Variants in SH3PXD2A observed in about 807,000 individuals in gnomAD.
The protein encoded by SH3PXD2A is SH3 and PX domain-containing protein 2A.
Under a neutral mutation model 115.2 loss-of-function variants are expected in SH3PXD2A, and 32 were observed. The ratio of observed to expected loss-of-function variants is 0.28; its 90% CI spans 0.21 to 0.37. The LOEUF is 0.37. Among genes scored for constraint, SH3PXD2A ranks in the 10% least tolerant of loss-of-function variants. The pLI is 1.00. For synonymous variants in SH3PXD2A, 610 were observed against 629.1 expected (o/e 0.97, Z 0.45); for missense variants, 1,328 against 1,498.7 (o/e 0.89, Z 1.88).
At chr10:103,664,524 A>G (rs1242867404) in intron 7 of SH3PXD2A, among the ~76,000 whole-genome samples, 1 of 152,166 alleles carries the variant, frequency 6.6e-6, no homozygotes, top group Non-Finnish European at 1.5e-5. Context: ...ACCTGACACC[A>G]CTGCCTATGA....
intron 3 of SH3PXD2A, among the ~76,000 whole-genome samples, chr10:103,765,293 C>A (rs781025720): frequency 6.6e-6 from 1 of 152,126 alleles, no homozygotes; most frequent in African/African-American, 2.4e-5. Flanking sequence ...CAGCTCCAGG[C>A]CCCCCTCGTT....
At chr10:103,776,094 C>T (rs2038875177) in intron 2 of SH3PXD2A, among the ~76,000 whole-genome samples, 1 of 152,152 alleles carries the variant, frequency 6.6e-6, no homozygotes, top group African/African-American at 2.4e-5. Context: ...GTCTTCAAAT[C>T]ATAAGTGTAT....
chr10:103,817,640 C>T (rs925121257), intron 1 of SH3PXD2A, among the ~76,000 whole-genome samples: 1 of 152,124 alleles, frequency 6.6e-6, no homozygotes, highest in African/African-American at 2.4e-5. Context: ...CATGCCTTAC[C>T]TGTGTTCATA....
Position 103,706,016 on chromosome 10 carries a change from A to G in SH3PXD2A, c.399-12960T>C, listed in dbSNP as rs531193966. ...TCTGTCTCAAAAAGAAAAAAAAAAA[A>G]AAAGAAAGAAAGAAATACCCAAATG... On this transcript the variant is annotated intron_variant, in intron 5 of 14. Transcript: ENST00000369774. Among the ~76,000 whole-genome samples, 310 of 152,058 alleles carry G rather than the reference A, an allele frequency of 2.0e-3. 2 individuals carry two copies. Among genetic ancestry groups the G allele is most frequent in the African/African-American group, 6.4e-3 (265 of 41,504 alleles).
rs2036721301 is a variant in SH3PXD2A, at chr10:103,627,859, A to C, written c.605-657T>G. ...GCACCCAGGTCTTGGGACTCCACTA[A>C]CTGCCTTTGGTCCCTTCCGAGAAGG... On this transcript the variant is annotated intron_variant, in intron 8 of 14. Transcript: ENST00000369774. The surrounding 1 kb of genome is among the most constrained non-coding windows in gnomAD (Gnocchi z 4.4). Among the ~76,000 whole-genome samples, 2 of 152,118 alleles carry C rather than the reference A, an allele frequency of 1.3e-5. No individual in the cohort carries two copies. The highest frequency in any genetic ancestry group is 2.9e-5 in the Non-Finnish European group (2 of 68,008).
rs538111893 is a variant in SH3PXD2A at position 103,781,969 on chromosome 10, G to A, written c.154-14800C>T. Among the ~76,000 whole-genome samples, 4 of 152,244 alleles carry A rather than the reference G, an allele frequency of 2.6e-5. No individual in the cohort carries two copies. In the East Asian group the frequency reaches 7.7e-4, roughly 29 times the overall value. On this transcript the variant is annotated intron_variant, in intron 2 of 14. Transcript: ENST00000369774. Reference sequence around the variant, plus strand: ...GACCCTCAAGCTCAGAGGAACCAACGATGGGAACCCACCGCCTCTCTGAAG... The same window carrying A: ...GACCCTCAAGCTCAGAGGAACCAACAATGGGAACCCACCGCCTCTCTGAAG...
intron 5 of SH3PXD2A, among the ~76,000 whole-genome samples, chr10:103,713,730 C>A: frequency 6.6e-6 from 1 of 152,334 alleles, no homozygotes; most frequent in Non-Finnish European, 1.5e-5. Flanking sequence ...CCATTATCAG[C>A]AGCTGTTATA....
intron 4 of SH3PXD2A, among the ~76,000 whole-genome samples, chr10:103,728,885 G>T (rs202040343): frequency 0.012 from 1,169 of 99,110 alleles, 7 homozygotes; most frequent in Non-Finnish European, 0.013. Context: ...TGTTTTTTTT[G>T]TTTGTTTGTT....
At chr10:103,785,927 G>A (rs929208759) in intron 2 of SH3PXD2A, among the ~76,000 whole-genome samples, 4 of 151,740 alleles carry the variant, frequency 2.6e-5, no homozygotes, top group Non-Finnish European at 2.9e-5. Context: ...GAGCGTAGAC[G>A]GAGGCTCAGG....
chr10:103,666,731 T>C lies in SH3PXD2A; in HGVS notation c.472+1877A>G, dbSNP rs1353543253. 6.6e-6 allele frequency among the ~76,000 whole-genome samples: 1 copy of C among 152,218 alleles called. No homozygotes were observed. Among genetic ancestry groups the C allele is most frequent in the Non-Finnish European group, 1.5e-5 (1 of 68,048 alleles). ...CATGGGAATTGTTCTGAGCACGGAATGAAGTGACGGGGCTTCAAGTCCTAT... is the reference window on the plus strand; with the variant it reads ...CATGGGAATTGTTCTGAGCACGGAACGAAGTGACGGGGCTTCAAGTCCTAT... On this transcript the variant is annotated intron_variant, in intron 7 of 14. Transcript: ENST00000369774. This position sits in a 1 kb window ranked among gnomAD's most constrained non-coding sequence, Gnocchi z 4.5.
At chr10:103,790,656 T>C (rs2039026709) in intron 2 of SH3PXD2A, among the ~76,000 whole-genome samples, 1 of 152,212 alleles carries the variant, frequency 6.6e-6, no homozygotes, top group Admixed American at 6.5e-5. Flanking sequence ...CAAGGTGCCA[T>C]TGCCAACTGA....
chr10:103,690,745 A>G (rs1564864885), intron 6 of SH3PXD2A, among the ~76,000 whole-genome samples: 1 of 152,216 alleles, frequency 6.6e-6, no homozygotes, highest in East Asian at 1.9e-4. Flanking sequence ...CACATAATAA[A>G]CCATCACAAA....
At chr10:103,814,010 A>C (rs1229096169) in intron 1 of SH3PXD2A, among the ~76,000 whole-genome samples, 6 of 135,118 alleles carry the variant, frequency 4.4e-5, no homozygotes, top group Admixed American at 7.7e-5. Flanking sequence ...AAAAAAAAAA[A>C]AAAAACAACA....
intron 6 of SH3PXD2A, among the ~76,000 whole-genome samples, chr10:103,674,811 C>G (rs943228195): frequency 6.6e-6 from 1 of 151,502 alleles, no homozygotes; most frequent in Non-Finnish European, 1.5e-5. Flanking sequence ...CAGAGCAAGG[C>G]TCTGTCTCTT....
At chr10:103,611,893 T>C (rs1221649358) in intron 12 of SH3PXD2A, among the ~76,000 whole-genome samples, 1 of 152,220 alleles carries the variant, frequency 6.6e-6, no homozygotes, top group African/African-American at 2.4e-5. Flanking sequence ...AATGTGCAGC[T>C]ATGTGGGCAT....
intron 6 of SH3PXD2A, among the ~76,000 whole-genome samples, chr10:103,671,763 G>A (rs1406956886): frequency 6.6e-6 from 1 of 152,148 alleles, no homozygotes; most frequent in Non-Finnish European, 1.5e-5. Flanking sequence ...GGGTGAAGGA[G>A]CAGTGGGGGG....
intron 8 of SH3PXD2A, among the ~76,000 whole-genome samples, chr10:103,658,180 G>A (rs2037238794): frequency 6.6e-6 from 1 of 152,164 alleles, no homozygotes; most frequent in Admixed American, 6.5e-5. Flanking sequence ...GAGCACAGAG[G>A]GGCTCTGATG....
chr10:103,655,844 C>G (rs2037204399), intron 8 of SH3PXD2A, among the ~76,000 whole-genome samples: 1 of 149,290 alleles, frequency 6.7e-6, no homozygotes, highest in African/African-American at 2.5e-5. Context: ...TACAGTCTAC[C>G]AGAATGAGCA....
chr10:103,630,833 A>G (rs976131650), intron 8 of SH3PXD2A, among the ~76,000 whole-genome samples: 1 of 151,988 alleles, frequency 6.6e-6, no homozygotes. Flanking sequence ...TCCTGGTTCC[A>G]GATGTGCTAA....
Sources: allele counts gnomAD v4.1 joint callset (sites outside exome capture counted in the v4.1 genomes callset), GRCh38; gene constraint gnomAD v4.1.1; non-coding constraint Gnocchi (gnomAD v3.1); transcripts MANE v1.5; gene names NCBI Gene and HGNC (gene_info 2026-07-23, HGNC 2026-07-21).